OCA2: variants seen among roughly 807,000 people sequenced by gnomAD.
The protein encoded by OCA2 is OCA2 melanosomal transmembrane protein.
Under a neutral mutation model 100.2 loss-of-function variants are expected in OCA2, and 77 were observed. That is an observed-to-expected ratio of 0.77 (90% CI 0.64 to 0.93). The LOEUF is 0.93. Among genes scored for constraint, OCA2 ranks in the 40% least tolerant of loss-of-function variants. The probability of loss-of-function intolerance (pLI) is 0.00; values close to 1 mark genes in which losing one functional copy is unlikely to be tolerated. For missense variants in OCA2, 1,062 were observed against 1,089.1 expected, an observed-to-expected ratio of 0.98 and a Z score of 0.35; for synonymous variants, 432 against 439.2, an observed-to-expected ratio of 0.98 and a Z score of 0.21.
chr15:27,752,319 A>C (rs1364681860), downstream of OCA2, among the ~76,000 whole-genome samples: 1 of 152,178 alleles, frequency 6.6e-6, no homozygotes, highest in Non-Finnish European at 1.5e-5. Context: ...TAGCAAAGGC[A>C]CAGCTGGTTT....
intron 18 of OCA2, among the ~76,000 whole-genome samples, chr15:27,936,882 A>G (rs574872090): frequency 6.6e-6 from 1 of 152,296 alleles, no homozygotes; most frequent in East Asian, 1.9e-4. Flanking sequence ...AATTACATCA[A>G]GTGAGTCATT....
intron 23 of OCA2, among the ~76,000 whole-genome samples, chr15:27,790,933 T>C (rs947493759): frequency 2.0e-5 from 3 of 151,924 alleles, no homozygotes; most frequent in African/African-American, 7.3e-5. Flanking sequence ...GGACTACAGG[T>C]GTGTGCCACC....
chr15:27,784,729 C>T (rs971626050), intron 23 of OCA2, among the ~76,000 whole-genome samples: 32 of 151,966 alleles, frequency 2.1e-4, no homozygotes, highest in African/African-American at 7.3e-4. Flanking sequence ...ATAGGCCTAA[C>T]AAATCTCAGA....
chr15:27,922,261 C>A (rs543871286), intron 19 of OCA2, among the ~76,000 whole-genome samples: 21 of 152,316 alleles, frequency 1.4e-4, no homozygotes, highest in African/African-American at 4.3e-4. Context: ...GTGTCATCCA[C>A]GGTTTAAGCA....
chr15:28,058,671 T>C (rs1192204427), intron 2 of OCA2, among the ~76,000 whole-genome samples: 2 of 152,200 alleles, frequency 1.3e-5, no homozygotes, highest in Non-Finnish European at 2.9e-5. Context: ...GTTAGTGACT[T>C]TATGTATGTT....
chr15:27,885,769 C>A (rs1427048782), intron 19 of OCA2, among the ~76,000 whole-genome samples: 1 of 125,906 alleles, frequency 7.9e-6, no homozygotes, highest in Non-Finnish European at 1.6e-5. Flanking sequence ...GATGTGCTTA[C>A]TATGTGGCAG....
rs749899140 is a variant in OCA2, at chr15:27,828,196, C to T, written c.2432+16763G>A. 3.3e-5 allele frequency among the ~76,000 whole-genome samples: 5 copies of T among 152,290 alleles called. No individual in the cohort carries two copies. The South Asian group carries it at 8.3e-4, about 25-fold the overall frequency. ...CCCCTGCCAGCTCCCACTCCATTCCCGGCCTTCCTCCCAGTGCTGAAGTCG... is the reference window on the plus strand; with the variant it reads ...CCCCTGCCAGCTCCCACTCCATTCCTGGCCTTCCTCCCAGTGCTGAAGTCG... On this transcript the variant is annotated intron_variant, in intron 23 of 23. Transcript: ENST00000354638.
chr15:27,792,511 C>T (rs2033132615), intron 23 of OCA2, among the ~76,000 whole-genome samples: 1 of 152,192 alleles, frequency 6.6e-6, no homozygotes, highest in African/African-American at 2.4e-5. Flanking sequence ...ACAGTCCTTC[C>T]TGGGTGGCCA....
the OCA2 span, among the ~76,000 whole-genome samples, chr15:27,748,697 C>T: frequency 2.0e-5 from 3 of 152,118 alleles, no homozygotes; most frequent in Admixed American, 6.5e-5. Flanking sequence ...CTGATGCCAA[C>T]ACTAGGAGAA....
intron 23 of OCA2, among the ~76,000 whole-genome samples, chr15:27,841,709 A>G (rs1425336176): frequency 2.0e-5 from 3 of 152,366 alleles, no homozygotes; most frequent in Non-Finnish European, 4.4e-5. Context: ...AAAAATAGGA[A>G]AATTCATCTC....
At chr15:27,763,301 T>G (rs1346107411) in intron 23 of OCA2, among the ~76,000 whole-genome samples, 1 of 152,180 alleles carries the variant, frequency 6.6e-6, no homozygotes, top group East Asian at 1.9e-4. Flanking sequence ...ATAAAAATAT[T>G]TTTTAAAACA....
chr15:27,851,543 A>C, intron 21 of OCA2, 68 bp from the exon 22 acceptor site: 1 of 1,249,474 alleles, frequency 8.0e-7, no homozygotes, highest in Non-Finnish European at 1.2e-6. Flanking sequence ...ACTGTGACCA[A>C]TTTAGAAAAT....
At position 27,955,238 on chromosome 15, in the gene OCA2, C is replaced by A. The variant is rs1225380067; in HGVS notation, c.1785-23G>T. 6 of 1,561,706 alleles carry A rather than the reference C, an allele frequency of 3.8e-6. No homozygotes were observed. The South Asian group carries it at 6.7e-5, about 17-fold the overall frequency. On this transcript the variant is annotated intron_variant, in intron 16 of 23. Transcript: ENST00000354638. Reference sequence around the variant, plus strand: ...TGTCTAAAAGAGAAAAGAAGAGACTCATTACTTCCCTGGTCACGCTGCGTG... The same window carrying A: ...TGTCTAAAAGAGAAAAGAAGAGACTAATTACTTCCCTGGTCACGCTGCGTG...
At chr15:28,006,933 A>C (rs2141164831) in intron 9 of OCA2, among the ~76,000 whole-genome samples, 1 of 152,332 alleles carries the variant, frequency 6.6e-6, no homozygotes, top group East Asian at 1.9e-4. Context: ...GTAAATTAAA[A>C]ATGGAAACTC....
intron 2 of OCA2, among the ~76,000 whole-genome samples, chr15:28,059,156 G>A (rs779167376): frequency 6.6e-6 from 1 of 152,338 alleles, no homozygotes; most frequent in African/African-American, 2.4e-5. Flanking sequence ...TCAAGCTCCA[G>A]TTCCTCCCTG....
chr15:28,019,202 G>A (rs953984677), intron 6 of OCA2, among the ~76,000 whole-genome samples: 12 of 151,938 alleles, frequency 7.9e-5, no homozygotes, highest in African/African-American at 2.9e-4. Context: ...GGAAAAAGGA[G>A]AGAATGAAAG....
chr15:28,097,185 C>G (rs908964150), intron 1 of OCA2, among the ~76,000 whole-genome samples: 1 of 152,234 alleles, frequency 6.6e-6, no homozygotes, highest in South Asian at 2.1e-4. Context: ...AGCACAGGCG[C>G]GCCAGCCACA....
intron 23 of OCA2, among the ~76,000 whole-genome samples, chr15:27,839,963 G>T (rs1567011148): frequency 6.6e-6 from 1 of 152,048 alleles, no homozygotes; most frequent in Admixed American, 6.6e-5. Context: ...GAGAAGAACT[G>T]TTATTAAACA....
intron 19 of OCA2, among the ~76,000 whole-genome samples, chr15:27,897,842 C>A (rs193086758): frequency 2.0e-5 from 3 of 152,290 alleles, no homozygotes; most frequent in Admixed American, 6.5e-5. Flanking sequence ...GGGACGGAGG[C>A]TGTACCCTGC....
Sources: gnomAD v4.1 joint callset for allele counts (sites outside exome capture counted in the v4.1 genomes callset) on GRCh38, gnomAD v4.1.1 for gene constraint, MANE v1.5 for transcripts, NCBI Gene and HGNC (gene_info 2026-07-23, HGNC 2026-07-21) for gene names.